Variants in PITPNC1 observed in about 807,000 individuals in gnomAD.
PITPNC1 encodes cytoplasmic phosphatidylinositol transfer protein 1.
Under a neutral mutation model 44.7 loss-of-function variants are expected in PITPNC1, and 18 were observed. The ratio of observed to expected loss-of-function variants is 0.40; its 90% CI spans 0.28 to 0.60. The LOEUF is 0.60. Among genes scored for constraint, PITPNC1 ranks in the 20% least tolerant of loss-of-function variants. The pLI is 0.39. For synonymous variants in PITPNC1, 141 were observed against 149.6 expected (o/e 0.94, Z 0.42); for missense variants, 290 against 418.4 (o/e 0.69, Z 2.68).
At chr17:67,437,795 C>T (rs1031867277) in intron 1 of PITPNC1, among the ~76,000 whole-genome samples, 3 of 152,144 alleles carry the variant, frequency 2.0e-5, no homozygotes, top group Non-Finnish European at 4.4e-5. Context: ...AGGCCGAGTG[C>T]GGAGGCTCGG....
chr17:67,481,585 C>A (rs1000543193), intron 1 of PITPNC1, among the ~76,000 whole-genome samples: 2 of 152,100 alleles, frequency 1.3e-5, no homozygotes, highest in Non-Finnish European at 2.9e-5. Context: ...GCGATTCCCC[C>A]ACCTTGGCCT....
At chr17:67,392,036 G>A (rs749867308) in intron 1 of PITPNC1, among the ~76,000 whole-genome samples, 8 of 152,100 alleles carry the variant, frequency 5.3e-5, no homozygotes, top group Non-Finnish European at 8.8e-5. Context: ...TACACTCTTG[G>A]AAATTATTCC....
chr17:67,581,035 T>C (rs1324758543), intron 5 of PITPNC1, among the ~76,000 whole-genome samples: 2 of 152,116 alleles, frequency 1.3e-5, no homozygotes, highest in Non-Finnish European at 2.9e-5. Flanking sequence ...GGTGACAGAG[T>C]GCCACCTAAA....
At chr17:67,568,745 G>C (rs917653712) in intron 4 of PITPNC1, among the ~76,000 whole-genome samples, 1 of 152,112 alleles carries the variant, frequency 6.6e-6, no homozygotes, top group Admixed American at 6.5e-5. Context: ...TGAAAGCGAG[G>C]CATCGGGAGA....
Position 67,403,218 on chromosome 17 carries a change from C to CAAAAAAAAA in PITPNC1, c.48+25031_48+25039dup, listed in dbSNP as rs34768084. On this transcript the variant is annotated intron_variant, in intron 1 of 8. Transcript: ENST00000581322. The stretch of plus-strand genomic sequence containing the variant: ...GGCAACACAGTGGACCTCATCTCTA[C>CAAAAAAAAA]AAAAAAAAAAAAAAAAAAAAAAAGT... Among the ~76,000 whole-genome samples, 257 of 68,960 alleles carry CAAAAAAAAA rather than the reference C, an allele frequency of 3.7e-3. 52 individuals carry two copies. The highest frequency in any genetic ancestry group is 8.9e-3 in the East Asian group (22 of 2,470). The allele number at this position is 68,960 out of a possible 152,430, so 45.2% of individuals were successfully genotyped here. A position where few individuals can be genotyped will look rare whatever the true frequency, so the allele number is the denominator to read the frequency against.
chr17:67,428,838 G>T (rs371257431), intron 1 of PITPNC1, among the ~76,000 whole-genome samples: 15 of 81,948 alleles, frequency 1.8e-4, no homozygotes, highest in South Asian at 8.2e-4. Context: ...TACTTGTCTT[G>T]CTTTTTTTTT....
intron 1 of PITPNC1, among the ~76,000 whole-genome samples, chr17:67,427,538 C>T (rs1195421823): frequency 6.6e-6 from 1 of 151,812 alleles, no homozygotes; most frequent in Admixed American, 6.6e-5. Flanking sequence ...AAAACCTCCT[C>T]GGACTCCTCG....
intron 1 of PITPNC1, among the ~76,000 whole-genome samples, chr17:67,405,001 C>G (rs535885235): frequency 6.6e-6 from 1 of 152,270 alleles, no homozygotes; most frequent in East Asian, 1.9e-4. Context: ...GATCCCAGCA[C>G]TTTGGGAGGC....
intron 5 of PITPNC1, among the ~76,000 whole-genome samples, chr17:67,622,084 C>T (rs966317358): frequency 1.3e-5 from 2 of 151,918 alleles, no homozygotes; most frequent in African/African-American, 2.4e-5. Flanking sequence ...GGTGAAACCC[C>T]GTCTCTACTA....
At chr17:67,430,070 C>A (rs1248224680) in intron 1 of PITPNC1, among the ~76,000 whole-genome samples, 1 of 152,200 alleles carries the variant, frequency 6.6e-6, no homozygotes, top group East Asian at 1.9e-4. Context: ...CTTCTTTTTA[C>A]CCATCTGCAA....
At chr17:67,540,726 G>A (rs1027611428) in intron 2 of PITPNC1, among the ~76,000 whole-genome samples, 2 of 152,086 alleles carry the variant, frequency 1.3e-5, no homozygotes, top group African/African-American at 4.8e-5. Flanking sequence ...AATAACAAAA[G>A]GTACAGATGA....
chr17:67,613,535 A>G (rs928855527), intron 5 of PITPNC1: 6 of 152,234 alleles, frequency 3.9e-5, no homozygotes, highest in Non-Finnish European at 5.9e-5. Flanking sequence ...TTACAGCCAT[A>G]TATTGAAATG....
At chr17:67,586,870 G>A (rs1324326769) in intron 5 of PITPNC1, among the ~76,000 whole-genome samples, 1 of 152,230 alleles carries the variant, frequency 6.6e-6, no homozygotes, top group Non-Finnish European at 1.5e-5. Flanking sequence ...AGGGAGTCCA[G>A]TTGGTAGGCT....
chr17:67,569,524 G>T (rs532756445), intron 4 of PITPNC1, among the ~76,000 whole-genome samples: 2 of 152,154 alleles, frequency 1.3e-5, no homozygotes, highest in Non-Finnish European at 2.9e-5. Flanking sequence ...TTGAGTTTTG[G>T]GTGCTGGAGG....
chr17:67,610,513 C>T (rs923273247), intron 5 of PITPNC1, among the ~76,000 whole-genome samples: 2 of 152,156 alleles, frequency 1.3e-5, no homozygotes, highest in African/African-American at 4.8e-5. Context: ...AAACTTTGGG[C>T]CAGGCGTGGT....
chr17:67,378,632 G>A (rs1171561737), intron 1 of PITPNC1, among the ~76,000 whole-genome samples: 1 of 152,210 alleles, frequency 6.6e-6, no homozygotes, highest in East Asian at 1.9e-4. Context: ...GCGAGGAGGA[G>A]CCCTGCGCCC....
At chr17:67,381,428 G>C (rs1461489596) in intron 1 of PITPNC1, among the ~76,000 whole-genome samples, 1 of 146,376 alleles carries the variant, frequency 6.8e-6, no homozygotes, top group African/African-American at 2.5e-5. Context: ...CTCTGGGCCT[G>C]ATTCAACCTA....
At chr17:67,617,690 T>A (rs2041777750) in intron 5 of PITPNC1, among the ~76,000 whole-genome samples, 1 of 152,162 alleles carries the variant, frequency 6.6e-6, no homozygotes, top group African/African-American at 2.4e-5. Context: ...CAGCCTCTGG[T>A]GGCTCCAGGC....
At chr17:67,564,031 A>T (rs1302518518) in intron 4 of PITPNC1, among the ~76,000 whole-genome samples, 2 of 152,154 alleles carry the variant, frequency 1.3e-5, no homozygotes, top group Non-Finnish European at 2.9e-5. Flanking sequence ...TAGATGATAG[A>T]TATTAATAGA....
Sources: allele counts gnomAD v4.1 joint callset (sites outside exome capture counted in the v4.1 genomes callset), GRCh38; gene constraint gnomAD v4.1.1; transcripts MANE v1.5; gene names NCBI Gene and HGNC (gene_info 2026-07-23, HGNC 2026-07-21).